CCDC126: variants seen among roughly 807,000 people sequenced by gnomAD.
The protein encoded by CCDC126 is coiled-coil domain-containing protein 126.
In CCDC126, 5 loss-of-function variants were observed where a neutral mutation model predicts 11.7. That is an observed-to-expected ratio of 0.43 (90% CI 0.22 to 0.90). The LOEUF (loss-of-function observed/expected upper bound fraction) is 0.90. Ranked by LOEUF, CCDC126 falls within the 40% of genes least tolerant of loss-of-function variation. CCDC126 has a pLI of 0.27. For missense variants in CCDC126, 150 were observed against 163.1 expected (o/e 0.92, Z 0.44); for synonymous variants, 60 against 61.9 (o/e 0.97, Z 0.14).
chr7:23,635,242 G>A (rs141944333), intron 3 of CCDC126, among the ~76,000 whole-genome samples: 145 of 152,238 alleles, frequency 9.5e-4, no homozygotes, highest in African/African-American at 3.4e-3. Flanking sequence ...AACATTTGTC[G>A]AGTGTCTACT....
chr7:23,632,054 A>T (rs956078585), intron 3 of CCDC126, among the ~76,000 whole-genome samples: 8 of 152,040 alleles, frequency 5.3e-5, no homozygotes, highest in African/African-American at 1.9e-4. Flanking sequence ...ATATTAGCAA[A>T]CAATTCAGCA....
In CCDC126 at chr7:23,643,367, G is replaced by T. The variant is rs925487010; in HGVS notation, c.*252G>T. 2 of 339,890 alleles carry T rather than the reference G, an allele frequency of 5.9e-6. No homozygotes were observed. The highest frequency in any genetic ancestry group is 4.2e-5 in the African/African-American group (2 of 47,464). The allele number at this position is 339,890 out of a possible 1,614,324, so 21.1% of individuals were successfully genotyped here. Reference sequence around the variant, plus strand: ...AGAATTTGGTAATTTGGTTGATGTGGTAAGCAGATAGGTGAGTTTTGTATA... The same window carrying T: ...AGAATTTGGTAATTTGGTTGATGTGTTAAGCAGATAGGTGAGTTTTGTATA... On this transcript the variant is annotated 3_prime_UTR_variant, in exon 4 of 4. Transcript: ENST00000307471.
chr7:23,600,215 CTTCTA>C (rs1423964453), intron 2 of CCDC126, among the ~76,000 whole-genome samples: 2 of 152,160 alleles, frequency 1.3e-5, no homozygotes, highest in Non-Finnish European at 2.9e-5. Context: ...GTGCTATTGT[CTTCTA>C]TTCTGTCTCC....
intron 3 of CCDC126, among the ~76,000 whole-genome samples, chr7:23,620,876 A>G (rs1782881172): frequency 6.6e-6 from 1 of 152,184 alleles, no homozygotes; most frequent in Non-Finnish European, 1.5e-5. Flanking sequence ...TTTGTCAAAG[A>G]TCAGGTAGTT....
rs913217803 is a variant in CCDC126 at position 23,619,379 on chromosome 7, T to A, written c.238+7826T>A. ...AGGAAGTATGCAACCATGAAGCGCA[T>A]GCTTAAACTCAGAGATCAGAGGCTT... is the stretch of plus-strand genomic sequence containing the variant. On this transcript the variant is annotated intron_variant, in intron 3 of 3. Transcript: ENST00000307471. The A allele has an allele frequency of 7.1e-5, 28 of 397,038 alleles. 1 individual carries two copies. The highest frequency in any genetic ancestry group is 3.6e-4 in the South Asian group (17 of 47,228). The allele number at this position is 397,038 out of a possible 1,614,324, so 24.6% of individuals were successfully genotyped here.
chr7:23,628,527 G>C (rs1407732044), intron 3 of CCDC126, among the ~76,000 whole-genome samples: 1 of 152,230 alleles, frequency 6.6e-6, no homozygotes, highest in East Asian at 1.9e-4. Flanking sequence ...CCAGCTACCT[G>C]ATCAAAGGCC....
At chr7:23,598,922 CTA>C (rs1782480754) in intron 2 of CCDC126, among the ~76,000 whole-genome samples, 1 of 152,140 alleles carries the variant, frequency 6.6e-6, no homozygotes, top group Non-Finnish European at 1.5e-5. Context: ...AAGGACTCTT[CTA>C]GCTCAGACTT....
At chr7:23,607,544 C>A (rs1782642201) in intron 2 of CCDC126, among the ~76,000 whole-genome samples, 1 of 152,032 alleles carries the variant, frequency 6.6e-6, no homozygotes, top group South Asian at 2.1e-4. Context: ...ATTAAAAGTA[C>A]ATAAGTAAAT....
chr7:23,621,282 A>G (rs996344560), intron 3 of CCDC126, among the ~76,000 whole-genome samples: 5 of 152,132 alleles, frequency 3.3e-5, no homozygotes, highest in Admixed American at 3.3e-4. Context: ...TTCTCCTTGA[A>G]GAGGTCCTTC....
At chr7:23,623,056 CT>C (rs1288907738) in intron 3 of CCDC126, among the ~76,000 whole-genome samples, 1 of 150,586 alleles carries the variant, frequency 6.6e-6, no homozygotes, top group African/African-American at 2.5e-5. Flanking sequence ...TCACTGCAGC[CT>C]CTGCCTCCCG....
intron 2 of CCDC126, among the ~76,000 whole-genome samples, chr7:23,605,594 A>G (rs1286889151): frequency 1.3e-5 from 2 of 152,206 alleles, no homozygotes; most frequent in African/African-American, 4.8e-5. Context: ...GTACCCATTA[A>G]ATCATAACTT....
chr7:23,624,585 G>C (rs977953285), intron 3 of CCDC126, among the ~76,000 whole-genome samples: 2 of 152,156 alleles, frequency 1.3e-5, no homozygotes, highest in South Asian at 2.1e-4. Context: ...GTTGTATATG[G>C]TGTCTGTTAT....
At chr7:23,640,992 G>T (rs7777574) in intron 3 of CCDC126, among the ~76,000 whole-genome samples, 38,301 of 123,128 alleles carry the variant, frequency 0.31, 7,209 homozygotes, top group Non-Finnish European at 0.37. Context: ...AATCCTTTTG[G>T]TTTTTTTTTT....
intron 3 of CCDC126, among the ~76,000 whole-genome samples, chr7:23,615,755 T>G (rs35386247): frequency 0.18 from 27,914 of 152,168 alleles, 2,951 homozygotes; most frequent in Non-Finnish European, 0.25. Flanking sequence ...GGAAAGGCCA[T>G]TGGATGCAGC....
chr7:23,605,990 T>TTTTG (rs1554359812), intron 2 of CCDC126, among the ~76,000 whole-genome samples: 12 of 150,694 alleles, frequency 8.0e-5, no homozygotes, highest in African/African-American at 2.9e-4. Context: ...CTGTTTTTTT[T>TTTTG]TGTGTGTGTG....
intron 1 of CCDC126, 91 bp downstream of exon 1, chr7:23,597,696 G>C (rs1012342267): frequency 6.6e-6 from 1 of 152,462 alleles, no homozygotes; most frequent in Non-Finnish European, 1.5e-5. Context: ...CCGCGCCCCC[G>C]TCCCCGGTCC....
chr7:23,626,231 A>G (rs1783014181), intron 3 of CCDC126, among the ~76,000 whole-genome samples: 1 of 152,074 alleles, frequency 6.6e-6, no homozygotes, highest in South Asian at 2.1e-4. Context: ...TTTTCTCCAG[A>G]TGAGTTAGCC....
intron 3 of CCDC126, among the ~76,000 whole-genome samples, chr7:23,618,809 C>A (rs943623357): frequency 1.3e-5 from 2 of 152,082 alleles, no homozygotes; most frequent in East Asian, 3.9e-4. Flanking sequence ...CCTGCCTCCA[C>A]CTCCCAGAGT....
intron 3 of CCDC126, among the ~76,000 whole-genome samples, chr7:23,630,901 A>T (rs1479196524): frequency 6.6e-6 from 1 of 152,046 alleles, no homozygotes; most frequent in African/African-American, 2.4e-5. Flanking sequence ...ATAGTTGGAA[A>T]CTGGACAACA....
Sources: allele counts gnomAD v4.1 joint callset (sites outside exome capture counted in the v4.1 genomes callset), GRCh38; gene constraint gnomAD v4.1.1; transcripts MANE v1.5; gene names NCBI Gene and HGNC (gene_info 2026-07-23, HGNC 2026-07-21).